Variants in TLL1 observed in about 807,000 individuals in gnomAD.
TLL1 encodes tolloid like 1, also known as tolloid-like protein 1.
TLL1 carries 49 observed loss-of-function variants against 128.2 expected under a neutral mutation model. The observed-to-expected ratio is 0.38, with a 90% confidence interval of 0.30 to 0.48. TLL1 has a LOEUF of 0.48. Ranked by LOEUF, TLL1 falls within the 20% of genes least tolerant of loss-of-function variation. The pLI, the probability that TLL1 is intolerant of heterozygous loss-of-function variation, is 0.96. For missense variants in TLL1, 1,123 were observed against 1,242.0 expected, an observed-to-expected ratio of 0.90 and a Z score of 1.44; for synonymous variants, 454 against 418.8, an observed-to-expected ratio of 1.08 and a Z score of -1.03.
rs904063475 is a variant in TLL1, at chr4:166,101,973, G to T, written c.*1097G>T. ...TTGTTTCTGAAAGACTTCTTATGGT[G>T]CTATTCCATAAACTTTTTTTCAAAC... On this transcript the variant is annotated 3_prime_UTR_variant, in exon 21 of 21. Transcript: ENST00000061240. The T allele has an allele frequency of 6.6e-6, 1 of 152,348 alleles. No individual in the cohort carries two copies. The highest frequency in any genetic ancestry group is 2.4e-5 in the African/African-American group (1 of 41,400). 9.4% of individuals were successfully genotyped at this position (152,348 alleles called of 1,614,324 possible).
chr4:165,978,682 C>T (rs1736002673), intron 1 of TLL1, among the ~76,000 whole-genome samples: 1 of 152,158 alleles, frequency 6.6e-6, no homozygotes, highest in Non-Finnish European at 1.5e-5. Flanking sequence ...TGTGGCTATG[C>T]CACCAAATAT....
intron 1 of TLL1, among the ~76,000 whole-genome samples, chr4:165,979,109 T>C (rs905868166): frequency 1.3e-5 from 2 of 152,160 alleles, no homozygotes; most frequent in Non-Finnish European, 2.9e-5. Context: ...GCTGCCATTA[T>C]TACTCTGTAT....
intron 1 of TLL1, among the ~76,000 whole-genome samples, chr4:165,968,224 G>A (rs1039614418): frequency 5.9e-5 from 9 of 152,078 alleles, no homozygotes; most frequent in Admixed American, 6.6e-5. Context: ...TTACAACATA[G>A]CATTTCTAAG....
At chr4:166,058,600 TA>T (rs1300420274) in intron 14 of TLL1, among the ~76,000 whole-genome samples, 1 of 152,180 alleles carries the variant, frequency 6.6e-6, no homozygotes, top group Non-Finnish European at 1.5e-5. Context: ...GCCTCCACCC[TA>T]TTACAGGCCC....
chr4:165,965,069 T>C (rs543330365), intron 1 of TLL1, among the ~76,000 whole-genome samples: 65 of 152,304 alleles, frequency 4.3e-4, no homozygotes, highest in Non-Finnish European at 8.5e-4. Context: ...TGTTGATTGA[T>C]GTTATCTGGT....
chr4:166,068,001 T>A (rs1301191717), intron 16 of TLL1, among the ~76,000 whole-genome samples: 3 of 151,756 alleles, frequency 2.0e-5, no homozygotes, highest in Non-Finnish European at 1.5e-5. Context: ...ACAGCAGATA[T>A]AATTTTCCCT....
intron 1 of TLL1, among the ~76,000 whole-genome samples, chr4:165,931,456 C>T (rs984438548): frequency 7.2e-5 from 11 of 152,268 alleles, no homozygotes; most frequent in Middle Eastern, 3.4e-3. Context: ...TGGTCATTCA[C>T]ACCTGTAATC....
Position 166,005,254 on chromosome 4 carries a change from C to A in TLL1, c.811+1685C>A, listed in dbSNP as rs118082091. Among the ~76,000 whole-genome samples the A allele has an allele frequency of 7.6e-4, 116 of 151,858 alleles. 1 individual carries two copies. The East Asian group carries it at 0.021, about 27-fold the overall frequency. On this transcript the variant is annotated intron_variant, in intron 6 of 20. Coordinates refer to ENST00000061240, the MANE Select transcript of TLL1 (RefSeq NM_012464.5). Reference sequence around the variant, plus strand: ...TTAGCATATCCTTGAATTTAAAAAGCCTTTGTATGATCCTTATTTTGTAGA... The same window carrying A: ...TTAGCATATCCTTGAATTTAAAAAGACTTTGTATGATCCTTATTTTGTAGA...
rs1401365116 is a variant in TLL1, at chr4:166,047,619, G to C, written c.1524+4200G>C. Among the ~76,000 whole-genome samples, 3 of 151,816 alleles carry C rather than the reference G, an allele frequency of 2.0e-5. No individual in the cohort carries two copies. In the East Asian group the frequency reaches 5.8e-4, roughly 29 times the overall value. ...AACTTCTTAGCTGTCCATCATTCAT[G>C]CTTCTATGTGAATTTATGTCATGGC... On this transcript the variant is annotated intron_variant, in intron 12 of 20. Transcript: ENST00000061240.
intron 1 of TLL1, among the ~76,000 whole-genome samples, chr4:165,912,438 T>G (rs1174492143): frequency 1.3e-5 from 2 of 152,224 alleles, no homozygotes; most frequent in Non-Finnish European, 2.9e-5. Flanking sequence ...TCCTACTCAG[T>G]GTCCGTGACC....
At chr4:166,042,341 G>A (rs957978647) in intron 11 of TLL1, among the ~76,000 whole-genome samples, 198 bp downstream of exon 11, 1 of 152,178 alleles carries the variant, frequency 6.6e-6, no homozygotes. Context: ...TATCAGTGAT[G>A]TAATAATATC....
chr4:166,073,062 T>A (rs887223032), intron 16 of TLL1, among the ~76,000 whole-genome samples: 1 of 152,152 alleles, frequency 6.6e-6, no homozygotes, highest in Non-Finnish European at 1.5e-5. Context: ...AGGAAATATG[T>A]GTCTATTTCA....
chr4:165,919,573 T>C (rs1210187672), intron 1 of TLL1, among the ~76,000 whole-genome samples: 1 of 152,094 alleles, frequency 6.6e-6, no homozygotes, highest in Non-Finnish European at 1.5e-5. Flanking sequence ...ATTTGGAATA[T>C]GGAGTTGTAA....
intron 13 of TLL1, among the ~76,000 whole-genome samples, chr4:166,056,009 C>T (rs1259138761): frequency 1.3e-5 from 2 of 151,888 alleles, no homozygotes; most frequent in Admixed American, 6.6e-5. Flanking sequence ...TTGTGTATTG[C>T]AAAACTTAGA....
In TLL1 at chr4:166,003,582, G is replaced by A; in HGVS notation, c.811+13G>A. The A allele has an allele frequency of 6.2e-7, 1 of 1,613,670 alleles. No homozygotes were observed. The highest frequency in any genetic ancestry group is 1.1e-5 in the South Asian group (1 of 91,070). ...AACATCCAGCCAGGTGAGAGGCATAGAATGTGTTGGGTTTAAGGCTGACTG... is the reference window on the plus strand; with the variant it reads ...AACATCCAGCCAGGTGAGAGGCATAAAATGTGTTGGGTTTAAGGCTGACTG... On this transcript the variant is annotated intron_variant, in intron 6 of 20. Transcript: ENST00000061240.
intron 13 of TLL1, among the ~76,000 whole-genome samples, chr4:166,055,663 C>G (rs1299181041): frequency 1.3e-5 from 2 of 151,994 alleles, no homozygotes; most frequent in African/African-American, 4.8e-5. Context: ...ACTAGTATTC[C>G]CCCACATTGA....
intron 18 of TLL1, among the ~76,000 whole-genome samples, chr4:166,087,821 T>G (rs1741593708): frequency 6.6e-6 from 1 of 152,106 alleles, no homozygotes; most frequent in Non-Finnish European, 1.5e-5. Flanking sequence ...AGAAATAAAG[T>G]TATTATTTCC....
At chr4:165,877,333 A>T (rs1272348017) in intron 1 of TLL1, among the ~76,000 whole-genome samples, 1 of 152,254 alleles carries the variant, frequency 6.6e-6, no homozygotes, top group Non-Finnish European at 1.5e-5. Flanking sequence ...GACAAAATAT[A>T]GGTACTTTAT....
At chr4:165,914,589 TAA>T (rs367570984) in intron 1 of TLL1, among the ~76,000 whole-genome samples, 32 of 152,326 alleles carry the variant, frequency 2.1e-4, no homozygotes, top group Admixed American at 5.2e-4. Flanking sequence ...TCTTCACAGA[TAA>T]AGACTTTTAT....
Sources: gnomAD v4.1 joint callset for allele counts (sites outside exome capture counted in the v4.1 genomes callset) on GRCh38, gnomAD v4.1.1 for gene constraint, MANE v1.5 for transcripts, NCBI Gene and HGNC (gene_info 2026-07-23, HGNC 2026-07-21) for gene names.